GABRB1: variants seen among roughly 807,000 people sequenced by gnomAD.
GABRB1 encodes gamma-aminobutyric acid receptor subunit beta-1.
GABRB1 carries 17 observed loss-of-function variants against 51.6 expected under a neutral mutation model. The observed-to-expected ratio is 0.33, with a 90% CI of 0.23 to 0.49. The LOEUF is 0.49. Among genes scored for constraint, GABRB1 ranks in the 20% least tolerant of loss-of-function variants. The pLI, the probability that GABRB1 is intolerant of heterozygous loss-of-function variation, is 0.99. For missense variants in GABRB1, 410 were observed against 600.6 expected (o/e 0.68, Z 3.32); for synonymous variants, 247 against 218.9 (o/e 1.13, Z -1.14).
At chr4:47,061,408 G>A (rs1205474698) in intron 3 of GABRB1, among the ~76,000 whole-genome samples, 1 of 152,086 alleles carries the variant, frequency 6.6e-6, no homozygotes, top group African/African-American at 2.4e-5. Context: ...CGGACAGTGA[G>A]GGAAAAGAGG....
rs536048779 is a variant in GABRB1, at chr4:47,042,518, A to G, written c.240+10034A>G. Among the ~76,000 whole-genome samples, 485 of 149,422 alleles carry G rather than the reference A, an allele frequency of 3.2e-3. 2 individuals carry two copies. The highest frequency in any genetic ancestry group is 5.7e-3 in the Non-Finnish European group (383 of 67,360). On this transcript the variant is annotated intron_variant, in intron 3 of 8. Coordinates refer to ENST00000295454, the MANE Select transcript of GABRB1 (RefSeq NM_000812.4). ...TATATATAGTCTGCTTTAAAAAATAATCACTACTTTTCATTTTCCAAATAT... is the reference window on the plus strand; with the variant it reads ...TATATATAGTCTGCTTTAAAAAATAGTCACTACTTTTCATTTTCCAAATAT...
intron 4 of GABRB1, among the ~76,000 whole-genome samples, chr4:47,231,806 T>C (rs568184851): frequency 1.3e-5 from 2 of 152,152 alleles, no homozygotes; most frequent in Non-Finnish European, 2.9e-5. Context: ...GTGAGGAAAA[T>C]TACAATTACT....
In GABRB1 at chr4:47,227,791, G is replaced by T. The variant is rs568626216; in HGVS notation, c.461+66322G>T. Among the ~76,000 whole-genome samples, 65 of 152,194 alleles carry T rather than the reference G, an allele frequency of 4.3e-4. No homozygotes were observed. The South Asian group carries it at 7.1e-3, about 17-fold the overall frequency. The stretch of plus-strand genomic sequence containing the variant: ...TGGAGGCTAGAATCTCAACATTAAG[G>T]TGTCAGCAGGTTTGGTTTCTCCTGA... On this transcript the variant is annotated intron_variant, in intron 4 of 8. Transcript: ENST00000295454.
chr4:47,401,760 A>G (rs966806239), intron 5 of GABRB1, among the ~76,000 whole-genome samples: 2 of 152,212 alleles, frequency 1.3e-5, no homozygotes, highest in African/African-American at 4.8e-5. Context: ...TCTAAAATCC[A>G]TGAATGGGAT....
chr4:47,113,003 T>G (rs1408278829), intron 3 of GABRB1, among the ~76,000 whole-genome samples: 1 of 152,128 alleles, frequency 6.6e-6, no homozygotes, highest in Non-Finnish European at 1.5e-5. Flanking sequence ...TACTTCTGTA[T>G]TAGGCTTGAA....
chr4:47,102,652 G>A (rs1714772197), intron 3 of GABRB1, among the ~76,000 whole-genome samples: 1 of 151,972 alleles, frequency 6.6e-6, no homozygotes, highest in African/African-American at 2.4e-5. Context: ...GCAAGTCAAT[G>A]TCAGGTTCTG....
chr4:47,127,154 A>G (rs145651711), intron 3 of GABRB1, among the ~76,000 whole-genome samples: 2 of 151,876 alleles, frequency 1.3e-5, no homozygotes, highest in African/African-American at 4.8e-5. Context: ...TCCTAATTAT[A>G]GTATCTTTTT....
chr4:47,029,552 C>T (rs1305265673), upstream of GABRB1, among the ~76,000 whole-genome samples: 2 of 151,814 alleles, frequency 1.3e-5, no homozygotes, highest in African/African-American at 4.8e-5. Flanking sequence ...AAGAAGGTTA[C>T]ATTTTAACAT....
At chr4:47,008,272 T>C (rs893654782) in intron 1 of GABRB1, among the ~76,000 whole-genome samples, 1 of 152,064 alleles carries the variant, frequency 6.6e-6, no homozygotes, top group African/African-American at 2.4e-5. Flanking sequence ...AAGTGCCCTA[T>C]AGTCACTTAG....
At chr4:47,200,052 G>A (rs1403734649) in intron 4 of GABRB1, among the ~76,000 whole-genome samples, 2 of 152,158 alleles carry the variant, frequency 1.3e-5, no homozygotes, top group Non-Finnish European at 1.5e-5. Flanking sequence ...ACTGGTAAGA[G>A]AGCTGTCAAT....
intron 3 of GABRB1, among the ~76,000 whole-genome samples, chr4:47,087,348 TATA>T (rs1397960110): frequency 3.9e-5 from 6 of 152,192 alleles, no homozygotes; most frequent in African/African-American, 1.4e-4. Context: ...TAACATTGTA[TATA>T]ATATTACCTA....
rs145494751 is a variant in GABRB1 at position 47,340,532 on chromosome 4, C to T, written c.544+20323C>T. Among the ~76,000 whole-genome samples, 12 of 152,272 alleles carry T rather than the reference C, an allele frequency of 7.9e-5. No individual in the cohort carries two copies. The East Asian group carries it at 2.3e-3, about 29-fold the overall frequency. On this transcript the variant is annotated intron_variant, in intron 5 of 8. Transcript: ENST00000295454. ...AGATTCAGCTCCTGGTGAGGGCCCA[C>T]TTCCTGCACAGACAGGCATCTTTTC...
chr4:47,326,370 G>A (rs1012541059), intron 5 of GABRB1, among the ~76,000 whole-genome samples: 11 of 152,160 alleles, frequency 7.2e-5, no homozygotes, highest in African/African-American at 2.7e-4. Context: ...GAAGAAGGGT[G>A]AGGACAGTAC....
At chr4:47,197,201 T>C (rs1369366223) in intron 4 of GABRB1, among the ~76,000 whole-genome samples, 2 of 152,226 alleles carry the variant, frequency 1.3e-5, no homozygotes, top group Admixed American at 6.5e-5. Flanking sequence ...GAAGATTGTG[T>C]CCTATCTTCT....
intron 4 of GABRB1, among the ~76,000 whole-genome samples, chr4:47,266,073 A>T (rs1317332979): frequency 6.6e-6 from 1 of 152,132 alleles, no homozygotes; most frequent in Non-Finnish European, 1.5e-5. Flanking sequence ...TTATAGTTTC[A>T]GGTCTTACAT....
intron 3 of GABRB1, among the ~76,000 whole-genome samples, chr4:47,145,969 A>G (rs760620736): frequency 1.3e-5 from 2 of 152,024 alleles, no homozygotes; most frequent in Non-Finnish European, 1.5e-5. Flanking sequence ...TTTTATTTCT[A>G]TACAAGGTGT....
intron 1 of GABRB1, among the ~76,000 whole-genome samples, chr4:47,004,585 T>C (rs1270896328): frequency 6.6e-6 from 1 of 152,188 alleles, no homozygotes; most frequent in African/African-American, 2.4e-5. Flanking sequence ...TATTAAAGGA[T>C]ATACTTTAGG....
intron 8 of GABRB1, among the ~76,000 whole-genome samples, chr4:47,409,020 T>G (rs192612454): frequency 1.3e-5 from 2 of 152,286 alleles, no homozygotes; most frequent in South Asian, 2.1e-4. Flanking sequence ...GTAATTAAAT[T>G]GAAACAGGAG....
chr4:47,067,032 G>C (rs934861786), intron 3 of GABRB1, among the ~76,000 whole-genome samples: 1 of 152,212 alleles, frequency 6.6e-6, no homozygotes, highest in Non-Finnish European at 1.5e-5. Context: ...TGTTGTGTTA[G>C]AGGGCTGGAA....
Sources: gnomAD v4.1 joint callset for allele counts (sites outside exome capture counted in the v4.1 genomes callset) on GRCh38, gnomAD v4.1.1 for gene constraint, MANE v1.5 for transcripts, NCBI Gene and HGNC (gene_info 2026-07-23, HGNC 2026-07-21) for gene names.